Variants in GNAI2 observed in about 807,000 individuals in gnomAD.
GNAI2 encodes the protein G protein subunit alpha i2, also known as guanine nucleotide-binding protein G(i) subunit alpha-2.
A neutral mutation model predicts 36.8 loss-of-function variants in GNAI2; 4 were observed. The observed-to-expected ratio is 0.11, with a 90% CI of 0.05 to 0.25. The LOEUF is 0.25. Ranked by LOEUF, GNAI2 falls within the 10% of genes least tolerant of loss-of-function variation. GNAI2 has a pLI of 1.00. For missense variants in GNAI2, 230 were observed against 481.3 expected (o/e 0.48, Z 4.89); for synonymous variants, 194 against 194.1 (o/e 1.00, Z 0.01).
chr3:50,240,229 ACT>A (rs1425097820), intron 1 of GNAI2, among the ~76,000 whole-genome samples: 4 of 151,018 alleles, frequency 2.6e-5, no homozygotes, highest in African/African-American at 9.8e-5. Flanking sequence ...AGTGAGTTAG[ACT>A]CTAATGGTGC....
intron 6 of GNAI2, 28 bp downstream of exon 6, chr3:50,256,880 G>C (rs782194861): frequency 6.2e-7 from 1 of 1,613,728 alleles, no homozygotes; most frequent in Non-Finnish European, 8.5e-7. Context: ...TGCTGCGGGT[G>C]GGGGCAGCGG....
chr3:50,227,339 G>C, upstream of GNAI2: 1 of 435,926 alleles, frequency 2.3e-6, no homozygotes, highest in Non-Finnish European at 4.0e-6. This position sits in a 1 kb window ranked among gnomAD's most constrained non-coding sequence, Gnocchi z 5.9. Context: ...GACGGCCAAG[G>C]AGTGGCAGGT....
intron 1 of GNAI2, among the ~76,000 whole-genome samples, chr3:50,246,371 G>T (rs2109198557): frequency 6.6e-6 from 1 of 152,360 alleles, no homozygotes; most frequent in Admixed American, 6.5e-5. Context: ...GCGCCCCCTG[G>T]TGGTGGCGGG....
In GNAI2 at chr3:50,252,021, A is replaced by G; in HGVS notation, c.119-79A>G. ...GAAGGTTAGTTCTGCCTCCTGGGCT[A>G]CAGGTGTCTGGGCATTTGTTCTGTG... On this transcript the variant is annotated intron_variant, in intron 1 of 8. Transcript: ENST00000313601. The surrounding 1 kb of genome is among the most constrained non-coding windows in gnomAD (Gnocchi z 4.1). The G allele has an allele frequency of 7.2e-7, 1 of 1,384,578 alleles. No individual in the cohort carries two copies. Among genetic ancestry groups the G allele is most frequent in the Non-Finnish European group, 1.0e-6 (1 of 978,794 alleles). The allele number at this position is 1,384,578 out of a possible 1,614,324, so 85.8% of individuals were successfully genotyped here. A position where few individuals can be genotyped will look rare whatever the true frequency, so the allele number is the denominator to read the frequency against.
At chr3:50,247,241 G>A (rs1324855658) in intron 1 of GNAI2, among the ~76,000 whole-genome samples, 1 of 152,242 alleles carries the variant, frequency 6.6e-6, no homozygotes, top group Non-Finnish European at 1.5e-5. Flanking sequence ...GCCAGAGAAA[G>A]GGCAGGAAAG....
At chr3:50,245,641 G>T (rs1271769010) in intron 1 of GNAI2, among the ~76,000 whole-genome samples, 1 of 152,232 alleles carries the variant, frequency 6.6e-6, no homozygotes, top group African/African-American at 2.4e-5. Flanking sequence ...TCCTGCACAG[G>T]CGGTACCTGG....
intron 1 of GNAI2, among the ~76,000 whole-genome samples, chr3:50,237,812 T>C (rs1700213030): frequency 6.6e-6 from 1 of 151,688 alleles, no homozygotes; most frequent in African/African-American, 2.4e-5. Context: ...AGCACCGTTG[T>C]AGGCTGAGAA....
At position 50,256,977 on chromosome 3, in the gene GNAI2, GCAA is replaced by G; in HGVS notation, c.771_773del (p.Asn257del). The G allele has an allele frequency of 6.2e-7, 1 of 1,614,140 alleles. No homozygotes were observed. Among genetic ancestry groups the G allele is most frequent in the Non-Finnish European group, 8.5e-7 (1 of 1,179,992 alleles). Reference sequence around the variant, plus strand: ...AGCATGAAGCTATTCGATAGCATCTGCAACAACAAGTGGTTCACAGACACGTCC... The same window carrying G: ...AGCATGAAGCTATTCGATAGCATCTGCAACAAGTGGTTCACAGACACGTCC... On this transcript the variant is annotated inframe_deletion, in exon 7 of 9. Transcript: ENST00000313601.
At position 50,257,061 on chromosome 3, in the gene GNAI2, C is replaced by T; in HGVS notation, c.848C>T (p.Pro283Leu). ...DLFEEKITHSPLTICFPEYTG... is the reference protein window; with the variant it reads ...DLFEEKITHSLLTICFPEYTG... ...TTTGAGGAGAAGATCACACACAGTCCCCTGACCATCTGCTTCCCTGAGTAC... is the reference window on the plus strand; with the variant it reads ...TTTGAGGAGAAGATCACACACAGTCTCCTGACCATCTGCTTCCCTGAGTAC... Residue 283 changes from proline (P) to leucine (L), a missense_variant, in exon 7 of 9, where the codon CCC becomes CTC. Around this residue, in one of 4 missense-constraint regions of GNAI2, gnomAD observed 51 missense variants for 56.7 expected, o/e 0.90. Transcript: ENST00000313601. 6.2e-7 allele frequency: 1 copy of T among 1,613,992 alleles called. No homozygotes were observed. Among genetic ancestry groups the T allele is most frequent in the Non-Finnish European group, 8.5e-7 (1 of 1,179,904 alleles).
intron 1 of GNAI2, among the ~76,000 whole-genome samples, chr3:50,249,922 T>A (rs1404882170): frequency 1.3e-5 from 2 of 152,210 alleles, no homozygotes; most frequent in Admixed American, 1.3e-4. Context: ...CTGCCGCTTG[T>A]TGAGCACTGC....
At chr3:50,234,350 C>G (rs1350468930), upstream of GNAI2, among the ~76,000 whole-genome samples, 1 of 150,518 alleles carries the variant, frequency 6.6e-6, no homozygotes, top group Non-Finnish European at 1.5e-5. Flanking sequence ...AGCCACCGTG[C>G]CCGGTCTTTT....
At chr3:50,231,073 C>G (rs1374521434) in intron 1 of GNAI2, 1 of 307,028 alleles carries the variant, frequency 3.3e-6, no homozygotes, top group Non-Finnish European at 4.8e-6. Context: ...GACCTACCAC[C>G]CTACCTTTGC....
Position 50,255,502 on chromosome 3 carries a change from G to A in GNAI2, c.465-690G>A, listed in dbSNP as rs1172526974. On this transcript the variant is annotated intron_variant, in intron 4 of 8. Transcript: ENST00000313601. This position sits in a 1 kb window ranked among gnomAD's most constrained non-coding sequence, Gnocchi z 4.0. ...GCTCTGCGGCTAATGCCGTAATTGC[G>A]CCCATTAGCATCCTGAATCCTTCAC... Among the ~76,000 whole-genome samples the A allele has an allele frequency of 2.0e-5, 3 of 152,144 alleles. No homozygotes were observed. The highest frequency in any genetic ancestry group is 1.9e-4 in the East Asian group (1 of 5,174).
intron 1 of GNAI2, among the ~76,000 whole-genome samples, chr3:50,243,187 T>C (rs1553701328): frequency 6.6e-6 from 1 of 152,210 alleles, no homozygotes; most frequent in Non-Finnish European, 1.5e-5. Context: ...GGTCACTGAG[T>C]TGGAGCCAGT....
At chr3:50,227,488 C>T (rs900133140), upstream of GNAI2, 27 of 254,210 alleles carry the variant, frequency 1.1e-4, no homozygotes, top group Middle Eastern at 2.3e-3. This position sits in a 1 kb window ranked among gnomAD's most constrained non-coding sequence, Gnocchi z 5.9. Flanking sequence ...CGCGCCGCAC[C>T]CCAGGCCCGC....
chr3:50,258,976 C>G lies in GNAI2; in HGVS notation c.*633C>G, dbSNP rs781921675. Reference sequence around the variant, plus strand: ...ACTGTCAGATCCTGACCAGCAAGCCCCCCCCCAGCCCCCCTTCCAAGTGAC... The same window carrying G: ...ACTGTCAGATCCTGACCAGCAAGCCGCCCCCCAGCCCCCCTTCCAAGTGAC... On this transcript the variant is annotated 3_prime_UTR_variant, in exon 9 of 9. Coordinates refer to ENST00000313601, the MANE Select transcript of GNAI2 (RefSeq NM_002070.4). 4.5e-6 allele frequency: 2 copies of G among 447,014 alleles called. No individual in the cohort carries two copies. Among genetic ancestry groups the G allele is most frequent in the South Asian group, 1.6e-5 (1 of 62,682 alleles). The allele number at this position is 447,014 out of a possible 1,614,324, so 27.7% of individuals were successfully genotyped here.
At chr3:50,249,365 G>A (rs1330631188) in intron 1 of GNAI2, among the ~76,000 whole-genome samples, 9 of 152,210 alleles carry the variant, frequency 5.9e-5, no homozygotes, top group Admixed American at 5.9e-4. Flanking sequence ...TGGGCCTTAA[G>A]TGTTCAGGCA....
rs587770948 is a variant in GNAI2 at position 50,256,675 on chromosome 3, G to C, written c.594-48G>C. The C allele has an allele frequency of 1.2e-5, 20 of 1,600,456 alleles. No homozygotes were observed. The African/African-American group carries it at 2.4e-4, about 19-fold the overall frequency. On this transcript the variant is annotated intron_variant, in intron 5 of 8. Coordinates refer to ENST00000313601, the MANE Select transcript of GNAI2 (RefSeq NM_002070.4). Reference sequence around the variant, plus strand: ...GCCAACCTGAGAAATGGGGTAGAAAGCCTCCCCCAGGCTCCCTTCCTGGAA... The same window carrying C: ...GCCAACCTGAGAAATGGGGTAGAAACCCTCCCCCAGGCTCCCTTCCTGGAA...
upstream of GNAI2, among the ~76,000 whole-genome samples, chr3:50,234,932 T>G (rs1424390636): frequency 6.6e-6 from 1 of 152,164 alleles, no homozygotes; most frequent in African/African-American, 2.4e-5. Flanking sequence ...TGCCTGGCCA[T>G]AGGGTTGCAG....
Sources: gnomAD v4.1 joint callset for allele counts (sites outside exome capture counted in the v4.1 genomes callset) on GRCh38, gnomAD v4.1.1 for gene constraint, gnomAD v4.1.1 regional missense constraint, Gnocchi (gnomAD v3.1) non-coding constraint, MANE v1.5 for transcripts, NCBI Gene and HGNC (gene_info 2026-07-23, HGNC 2026-07-21) for gene names.